Variants in DNM3 observed in about 807,000 individuals in gnomAD.
DNM3 encodes dynamin 3, also known as dynamin-3.
Under a neutral mutation model 101.6 loss-of-function variants are expected in DNM3, and 47 were observed. The observed-to-expected ratio is 0.46, with a 90% CI of 0.37 to 0.59. The LOEUF is 0.59. Ranked by LOEUF, DNM3 falls within the 20% of genes least tolerant of loss-of-function variation. The probability of loss-of-function intolerance (pLI) is 0.00; values close to 1 mark genes in which losing one functional copy is unlikely to be tolerated. For missense variants in DNM3, 849 were observed against 1,085.7 expected (o/e 0.78, Z 3.06); for synonymous variants, 385 against 387.9 (o/e 0.99, Z 0.09).
Position 172,261,111 on chromosome 1 carries a change from T to G in DNM3, c.1769+7429T>G, listed in dbSNP as rs919062952. 3.5e-4 allele frequency among the ~76,000 whole-genome samples: 53 copies of G among 152,208 alleles called. 1 individual carries two copies. Among genetic ancestry groups the G allele is most frequent in the Non-Finnish European group, 7.3e-5 (5 of 68,032 alleles). On this transcript the variant is annotated intron_variant, in intron 15 of 20. Transcript: ENST00000627582. ...ATAGGCACATGCCACTATGTCTGAC[T>G]AGTAAATTTCTTTTTATTGGGATCT...
intron 14 of DNM3, among the ~76,000 whole-genome samples, chr1:172,160,459 G>T (rs1167473779): frequency 6.6e-6 from 1 of 150,392 alleles, no homozygotes; most frequent in Non-Finnish European, 1.5e-5. Context: ...AAATTGTTTT[G>T]TTAAAACATA....
intron 17 of DNM3, among the ~76,000 whole-genome samples, chr1:172,344,477 T>C (rs1044061648): frequency 7.9e-5 from 12 of 152,316 alleles, no homozygotes; most frequent in African/African-American, 2.4e-4. Context: ...GTTGGCTTTT[T>C]CCCCACGAAA....
At chr1:172,044,003 T>C (rs1232946361) in intron 8 of DNM3, among the ~76,000 whole-genome samples, 1 of 152,252 alleles carries the variant, frequency 6.6e-6, no homozygotes, top group Non-Finnish European at 1.5e-5. Flanking sequence ...TCAGGACATC[T>C]GTACTGCTAC....
At chr1:171,938,431 A>G (rs2041597293) in intron 2 of DNM3, among the ~76,000 whole-genome samples, 1 of 152,202 alleles carries the variant, frequency 6.6e-6, no homozygotes, top group Non-Finnish European at 1.5e-5. Flanking sequence ...CATGGTCCCC[A>G]TGGAGTGTCA....
At chr1:172,386,893 T>C in intron 18 of DNM3, 1 of 456,546 alleles carries the variant, frequency 2.2e-6, no homozygotes, top group Non-Finnish European at 4.0e-6. Flanking sequence ...CTTCTTCTAC[T>C]CATCTCTATC....
chr1:172,086,668 C>A (rs985607036), intron 12 of DNM3, among the ~76,000 whole-genome samples: 2 of 152,132 alleles, frequency 1.3e-5, no homozygotes, highest in African/African-American at 2.4e-5. Context: ...GGCTCTGGGA[C>A]CTTCACTGTG....
At chr1:172,198,403 T>A (rs966117594) in intron 14 of DNM3, among the ~76,000 whole-genome samples, 1 of 152,124 alleles carries the variant, frequency 6.6e-6, no homozygotes, top group African/African-American at 2.4e-5. Context: ...CTGACAGGTT[T>A]TGGTATCAAG....
At chr1:172,368,553 T>G (rs1236747659) in intron 17 of DNM3, among the ~76,000 whole-genome samples, 1 of 151,814 alleles carries the variant, frequency 6.6e-6, no homozygotes, top group East Asian at 1.9e-4. Flanking sequence ...AACTTAATGA[T>G]GCACTTCAGG....
Position 171,841,806 on chromosome 1 carries a change from C to T in DNM3, c.150C>T (p.Asn50=). 2 of 1,609,040 alleles carry T rather than the reference C, an allele frequency of 1.2e-6. No individual in the cohort carries two copies. The highest frequency in any genetic ancestry group is 1.7e-6 in the Non-Finnish European group (2 of 1,178,990). The change falls in exon 1 of 21, where the codon AAC becomes AAT. Residue 50 remains asparagine (N), a synonymous_variant. Transcript: ENST00000627582. ...QSAGKSSVLE[N]FVGRDFLPRG... is the part of the protein sequence containing the mutation. ...CCGGCAAGAGCTCGGTGCTCGAGAA[C>T]TTCGTGGGCAGGTAAGCGCGCAGGG... is the stretch of plus-strand genomic sequence containing the variant.
intron 2 of DNM3, among the ~76,000 whole-genome samples, chr1:171,925,290 C>T (rs550339639): frequency 2.7e-5 from 4 of 150,744 alleles, no homozygotes; most frequent in South Asian, 2.1e-4. Flanking sequence ...TGCAGTGGTG[C>T]GATCTCAGCT....
At position 172,187,019 on chromosome 1, in the gene DNM3, T is replaced by C. The variant is rs537919871; in HGVS notation, c.1659+55731T>C. 8.9e-4 allele frequency among the ~76,000 whole-genome samples: 136 copies of C among 152,254 alleles called. 1 individual carries two copies. The highest frequency in any genetic ancestry group is 3.0e-3 in the African/African-American group (123 of 41,566). Reference sequence around the variant, plus strand: ...CCTTAATGTTGAAAGGAAATATCTTTGCACATGATTTGTTCTCTTCTTATT... The same window carrying C: ...CCTTAATGTTGAAAGGAAATATCTTCGCACATGATTTGTTCTCTTCTTATT... On this transcript the variant is annotated intron_variant, in intron 14 of 20. Coordinates refer to ENST00000627582, the MANE Select transcript of DNM3 (RefSeq NM_015569.5).
chr1:171,915,022 A>G (rs1329286532), intron 1 of DNM3, among the ~76,000 whole-genome samples: 1 of 152,184 alleles, frequency 6.6e-6, no homozygotes. Flanking sequence ...GTCTAAGAGC[A>G]CAGATGCGCA....
At chr1:172,139,629 G>A (rs2057457299) in intron 14 of DNM3, 1 of 152,128 alleles carries the variant, frequency 6.6e-6, no homozygotes, top group Non-Finnish European at 1.5e-5. Context: ...TAACTATAGG[G>A]CCATGCTGTG....
chr1:172,385,580 C>A (rs1482641704), intron 18 of DNM3, among the ~76,000 whole-genome samples: 1 of 152,128 alleles, frequency 6.6e-6, no homozygotes, highest in African/African-American at 2.4e-5. Context: ...CACAATAAAC[C>A]TTTGATTTAG....
chr1:172,135,758 GA>G (rs1388622569), intron 14 of DNM3, among the ~76,000 whole-genome samples: 1 of 151,702 alleles, frequency 6.6e-6, no homozygotes, highest in South Asian at 2.1e-4. Flanking sequence ...AATCAGACTT[GA>G]AAAAAATGAT....
At chr1:171,970,368 G>A (rs750065549) in intron 2 of DNM3, 1 of 156,476 alleles carries the variant, frequency 6.4e-6, no homozygotes, top group African/African-American at 2.4e-5. Flanking sequence ...TACATAGGAA[G>A]AAATTGAAGC....
intron 7 of DNM3, among the ~76,000 whole-genome samples, chr1:172,039,999 G>A (rs917347586): frequency 1.3e-5 from 2 of 152,164 alleles, no homozygotes; most frequent in Admixed American, 1.3e-4. Context: ...TGAGGAAGCA[G>A]TTACATGTGA....
At chr1:172,418,289 C>T (rs1203680210) in exon 21 of DNM3, 1 of 1,289,392 alleles carries the variant, frequency 7.8e-7, no homozygotes. Context: ...AGGCGACCCC[C>T]TCCTGCAGTT....
chr1:171,957,644 C>G (rs1393385152), intron 2 of DNM3, among the ~76,000 whole-genome samples: 1 of 152,064 alleles, frequency 6.6e-6, no homozygotes, highest in African/African-American at 2.4e-5. Context: ...CGCCAGGTAC[C>G]CTAAATCATC....
Sources: allele counts gnomAD v4.1 joint callset (sites outside exome capture counted in the v4.1 genomes callset), GRCh38; gene constraint gnomAD v4.1.1; transcripts MANE v1.5; gene names NCBI Gene and HGNC (gene_info 2026-07-23, HGNC 2026-07-21).